The following BCAS3 variants were observed in gnomAD, a reference collection of about 807,000 sequenced individuals.
BCAS3 encodes BCAS4/BCAS3 fusion.
In BCAS3, 53 loss-of-function variants were observed where a neutral mutation model predicts 116.1. That is an observed-to-expected ratio of 0.46 (90% CI 0.37 to 0.57). The LOEUF is 0.57. BCAS3 is among the 20% of genes least tolerant of loss of function. The pLI, the probability that BCAS3 is intolerant of heterozygous loss-of-function variation, is 0.00. For synonymous variants in BCAS3, 391 were observed against 408.2 expected, an observed-to-expected ratio of 0.96 and a Z score of 0.51; for missense variants, 917 against 1,165.4, an observed-to-expected ratio of 0.79 and a Z score of 3.10.
chr17:60,973,586 A>AATATATATATATAT (rs34671111), intron 14 of BCAS3, among the ~76,000 whole-genome samples: 6 of 137,974 alleles, frequency 4.3e-5, no homozygotes, highest in African/African-American at 1.7e-4. Context: ...CCTTATTATT[A>AATATATATATATAT]ATATATATAT....
intron 5 of BCAS3, among the ~76,000 whole-genome samples, chr17:60,733,342 T>G (rs905413246): frequency 1.3e-5 from 2 of 152,240 alleles, no homozygotes; most frequent in Non-Finnish European, 2.9e-5. Flanking sequence ...TGATAGGACA[T>G]GATTTTTGGA....
rs1400820545 is a variant in BCAS3 at position 61,203,515 on chromosome 17, G to A, written c.2425+118951G>A. Among the ~76,000 whole-genome samples, 1 of 152,088 alleles carries A rather than the reference G, an allele frequency of 6.6e-6. No individual in the cohort carries two copies. Among genetic ancestry groups the A allele is most frequent in the African/African-American group, 2.4e-5 (1 of 41,412 alleles). ...TGGGGGATAAGAGGGGAACCAAAAA[G>A]ATAGTTTATGAAGAACTTAACAGTT... On this transcript the variant is annotated intron_variant, in intron 22 of 23. Transcript: ENST00000407086. This position sits in a 1 kb window ranked among gnomAD's most constrained non-coding sequence, Gnocchi z 5.7.
chr17:60,742,308 A>G (rs1352374733), intron 5 of BCAS3, among the ~76,000 whole-genome samples: 3 of 152,060 alleles, frequency 2.0e-5, no homozygotes, highest in Non-Finnish European at 4.4e-5. Flanking sequence ...TGGATCCCCT[A>G]TAGAATCAGA....
chr17:61,351,521 G>A (rs1276680742), intron 22 of BCAS3, among the ~76,000 whole-genome samples: 1 of 152,202 alleles, frequency 6.6e-6, no homozygotes, highest in Non-Finnish European at 1.5e-5. Context: ...ATTAGCAATA[G>A]TAACTAGCAG....
At chr17:61,247,911 G>C (rs1351434332) in intron 22 of BCAS3, among the ~76,000 whole-genome samples, 1 of 152,160 alleles carries the variant, frequency 6.6e-6, no homozygotes, top group Non-Finnish European at 1.5e-5. Context: ...TTTTCCCAAA[G>C]AAAATAATGT....
chr17:60,912,249 T>C (rs560565320), intron 12 of BCAS3, among the ~76,000 whole-genome samples: 3 of 152,092 alleles, frequency 2.0e-5, no homozygotes, highest in African/African-American at 7.2e-5. Context: ...AAATAAAATT[T>C]CTTTTAGTTT....
chr17:60,923,296 C>G (rs2059200842), intron 12 of BCAS3, among the ~76,000 whole-genome samples: 1 of 152,128 alleles, frequency 6.6e-6, no homozygotes, highest in South Asian at 2.1e-4. Flanking sequence ...CATGATTGAC[C>G]TGCACAGTTA....
Position 61,279,799 on chromosome 17 carries a change from G to C in BCAS3, c.2426-88528G>C, listed in dbSNP as rs1273000842. Among the ~76,000 whole-genome samples the C allele has an allele frequency of 6.6e-6, 1 of 151,844 alleles. No homozygotes were observed. The highest frequency in any genetic ancestry group is 1.9e-4 in the East Asian group (1 of 5,162). Reference sequence around the variant, plus strand: ...GAAGAAAAAAAAAAAAAACTAGGCAGGTAACCACAAGCCAAGTTGGGCTTG... The same window carrying C: ...GAAGAAAAAAAAAAAAAACTAGGCACGTAACCACAAGCCAAGTTGGGCTTG... On this transcript the variant is annotated intron_variant, in intron 22 of 23. Transcript: ENST00000407086. The surrounding 1 kb of genome is among the most constrained non-coding windows in gnomAD (Gnocchi z 4.4).
intron 15 of BCAS3, among the ~76,000 whole-genome samples, chr17:61,003,626 T>C (rs1429661549): frequency 6.6e-6 from 1 of 152,026 alleles, no homozygotes; most frequent in Non-Finnish European, 1.5e-5. Flanking sequence ...GACTGTCCAT[T>C]ATACTTAAGC....
At chr17:60,866,684 ATTATCT>A (rs1467500067) in intron 7 of BCAS3, among the ~76,000 whole-genome samples, 3 of 152,232 alleles carry the variant, frequency 2.0e-5, no homozygotes, top group South Asian at 2.1e-4. Flanking sequence ...AGCTATTCAA[ATTATCT>A]TTATGTGTAG....
intron 22 of BCAS3, among the ~76,000 whole-genome samples, chr17:61,254,469 T>C (rs935042703): frequency 6.6e-6 from 1 of 152,124 alleles, no homozygotes; most frequent in African/African-American, 2.4e-5. Flanking sequence ...CTAAAATGTT[T>C]GATCAACTTT....
chr17:60,831,380 T>C (rs1252275491), intron 7 of BCAS3, among the ~76,000 whole-genome samples: 1 of 151,746 alleles, frequency 6.6e-6, no homozygotes, highest in Admixed American at 6.6e-5. Context: ...TTTCACCATG[T>C]TGGCCAGGCT....
intron 4 of BCAS3, among the ~76,000 whole-genome samples, chr17:60,705,950 T>C (rs1350670480): frequency 1.3e-5 from 2 of 152,162 alleles, no homozygotes; most frequent in Non-Finnish European, 2.9e-5. Flanking sequence ...CCTGCCTCTA[T>C]TGCCCTCCCT....
chr17:60,853,421 C>A (rs1438465455), intron 7 of BCAS3, among the ~76,000 whole-genome samples: 1 of 152,150 alleles, frequency 6.6e-6, no homozygotes, highest in Non-Finnish European at 1.5e-5. Flanking sequence ...TGTTTGAATT[C>A]AAATGCTAGT....
rs1230386399 is a variant in BCAS3 at position 61,259,705 on chromosome 17, G to A, written c.2426-108622G>A. ...GGTTCCAGGGCACCAGCCTTAGAGT[G>A]GGCAGTCGTTCATTACTGGCCTAGG... is the stretch of plus-strand genomic sequence containing the variant. On this transcript the variant is annotated intron_variant, in intron 22 of 23. Transcript: ENST00000407086. This position sits in a 1 kb window ranked among gnomAD's most constrained non-coding sequence, Gnocchi z 4.7. 6.6e-6 allele frequency among the ~76,000 whole-genome samples: 1 copy of A among 152,106 alleles called. No individual in the cohort carries two copies. The highest frequency in any genetic ancestry group is 2.4e-5 in the African/African-American group (1 of 41,414).
At chr17:61,335,437 T>C (rs745477861) in intron 22 of BCAS3, among the ~76,000 whole-genome samples, 2 of 152,232 alleles carry the variant, frequency 1.3e-5, no homozygotes, top group Non-Finnish European at 2.9e-5. Flanking sequence ...TGTAAGACTC[T>C]CAGCAATGAC....
chr17:61,335,982 C>T (rs1007758332), intron 22 of BCAS3, among the ~76,000 whole-genome samples: 7 of 152,250 alleles, frequency 4.6e-5, no homozygotes, highest in Non-Finnish European at 8.8e-5. Flanking sequence ...CTGCCAGCCC[C>T]CCACCTCGGG....
chr17:60,828,446 A>C (rs1450373530), intron 7 of BCAS3, among the ~76,000 whole-genome samples: 2 of 152,246 alleles, frequency 1.3e-5, no homozygotes, highest in African/African-American at 4.8e-5. Flanking sequence ...TGCCAGAATA[A>C]AACCTTGCTA....
chr17:60,995,776 G>T lies in BCAS3; in HGVS notation c.1486+5541G>T, dbSNP rs2063799877. 6.6e-6 allele frequency among the ~76,000 whole-genome samples: 1 copy of T among 152,164 alleles called. No individual in the cohort carries two copies. Among genetic ancestry groups the T allele is most frequent in the African/African-American group, 2.4e-5 (1 of 41,424 alleles). On this transcript the variant is annotated intron_variant, in intron 15 of 23. Coordinates refer to ENST00000407086, the MANE Select transcript of BCAS3 (RefSeq NM_017679.5). This position sits in a 1 kb window ranked among gnomAD's most constrained non-coding sequence, Gnocchi z 4.7. ...AACAACATTAATTAGTGTTTATTGTGTCCAGGCACTGTTCTGAGTTTAGGA... is the reference window on the plus strand; with the variant it reads ...AACAACATTAATTAGTGTTTATTGTTTCCAGGCACTGTTCTGAGTTTAGGA...
Sources: gnomAD v4.1 joint callset for allele counts (sites outside exome capture counted in the v4.1 genomes callset) on GRCh38, gnomAD v4.1.1 for gene constraint, Gnocchi (gnomAD v3.1) non-coding constraint, MANE v1.5 for transcripts, NCBI Gene and HGNC (gene_info 2026-07-23, HGNC 2026-07-21) for gene names.